The following TNKS variants were observed in gnomAD, a reference collection of about 807,000 sequenced individuals.
The protein encoded by TNKS is tankyrase.
A neutral mutation model predicts 135.8 loss-of-function variants in TNKS; 72 were observed. The ratio of observed to expected loss-of-function variants is 0.53; its 90% confidence interval spans 0.44 to 0.64. The LOEUF is 0.64. Ranked by LOEUF, TNKS falls within the 30% of genes least tolerant of loss-of-function variation. TNKS has a pLI of 0.00. For missense variants in TNKS, 1,769 were observed against 1,674.0 expected (o/e 1.06, Z -0.99); for synonymous variants, 849 against 649.3 (o/e 1.31, Z -4.68).
chr8:9,622,569 C>T (rs1027218947), intron 3 of TNKS, among the ~76,000 whole-genome samples: 1 of 152,130 alleles, frequency 6.6e-6, no homozygotes, highest in South Asian at 2.1e-4. Flanking sequence ...AATGAGTGCT[C>T]TTATATGTGC....
intron 17 of TNKS, among the ~76,000 whole-genome samples, chr8:9,740,268 T>C (rs561678002): frequency 2.6e-5 from 4 of 152,232 alleles, no homozygotes; most frequent in African/African-American, 7.2e-5. Flanking sequence ...TAATCCCTTC[T>C]TGACTGTAAA....
chr8:9,760,995 T>C (rs576329199), intron 20 of TNKS, among the ~76,000 whole-genome samples: 3 of 152,236 alleles, frequency 2.0e-5, no homozygotes, highest in South Asian at 2.1e-4. Context: ...CTCACTGCTT[T>C]TTAAGGAAGC....
chr8:9,635,849 AATC>A (rs1800489135), intron 3 of TNKS, among the ~76,000 whole-genome samples: 1 of 152,214 alleles, frequency 6.6e-6, no homozygotes, highest in African/African-American at 2.4e-5. Context: ...AATTACTCCA[AATC>A]AAAGGAAACT....
At chr8:9,642,112 A>G (rs1462559039) in intron 3 of TNKS, among the ~76,000 whole-genome samples, 1 of 145,808 alleles carries the variant, frequency 6.9e-6, no homozygotes, top group East Asian at 2.1e-4. Context: ...GAATCTGAAA[A>G]TAGCCTGGTG....
chr8:9,708,541 A>T, intron 9 of TNKS, 49 bp downstream of exon 9: 1 of 1,405,572 alleles, frequency 7.1e-7, no homozygotes, highest in Non-Finnish European at 9.4e-7. Flanking sequence ...TAATAACGTA[A>T]GCACAAAATA....
intron 3 of TNKS, among the ~76,000 whole-genome samples, chr8:9,654,622 T>G (rs35882522): frequency 1.5e-3 from 222 of 152,346 alleles, no homozygotes; most frequent in African/African-American, 5.0e-3. Flanking sequence ...AAAGTCTATG[T>G]CAGGTAAAAT....
At chr8:9,615,465 A>T in intron 2 of TNKS, 117 bp from the exon 3 acceptor site, 1 of 711,446 alleles carries the variant, frequency 1.4e-6, no homozygotes, top group Non-Finnish European at 2.1e-6. Context: ...TTTTTTCTTG[A>T]AAGAGAAAAA....
intron 3 of TNKS, among the ~76,000 whole-genome samples, chr8:9,661,668 G>A (rs1391253233): frequency 1.3e-5 from 2 of 152,176 alleles, no homozygotes; most frequent in East Asian, 1.9e-4. Flanking sequence ...CGGGACATAG[G>A]CATGGGCAAG....
At chr8:9,756,134 T>C (rs1434461057) in intron 20 of TNKS, among the ~76,000 whole-genome samples, 1 of 152,146 alleles carries the variant, frequency 6.6e-6, no homozygotes, top group African/African-American at 2.4e-5. Context: ...TTGTGGACAT[T>C]TTTATGGTTA....
At chr8:9,776,528 A>G in intron 26 of TNKS, 122 bp from the exon 27 acceptor site, 1 of 806,734 alleles carries the variant, frequency 1.2e-6, no homozygotes, top group Non-Finnish European at 2.0e-6. Flanking sequence ...GCACCTATTA[A>G]GAAACTGAGT....
chr8:9,709,829 C>T, intron 9 of TNKS, 126 bp from the exon 10 acceptor site: 2 of 696,438 alleles, frequency 2.9e-6, no homozygotes, highest in Non-Finnish European at 4.9e-6. Flanking sequence ...TGATATAAAA[C>T]ATATACATAT....
rs916863698 is a variant in TNKS at position 9,646,876 on chromosome 8, A to G, written c.994+31199A>G. Among the ~76,000 whole-genome samples, 5 of 152,274 alleles carry G rather than the reference A, an allele frequency of 3.3e-5. No individual in the cohort carries two copies. The South Asian group carries it at 1.0e-3, about 32-fold the overall frequency. On this transcript the variant is annotated intron_variant, in intron 3 of 26. Coordinates refer to ENST00000310430, the MANE Select transcript of TNKS (RefSeq NM_003747.3). ...CCTTTTGTACTCTGGCAGTTCATCA[A>G]GTATTTGAAGAGCACTATTATGCGA...
chr8:9,708,168 A>T (rs1804140609), intron 8 of TNKS, among the ~76,000 whole-genome samples: 1 of 152,146 alleles, frequency 6.6e-6, no homozygotes, highest in African/African-American at 2.4e-5. Context: ...AGAGTGTGAA[A>T]CAGTCTTATT....
intron 12 of TNKS, among the ~76,000 whole-genome samples, chr8:9,723,373 G>C (rs1804999273): frequency 6.6e-6 from 1 of 151,430 alleles, no homozygotes; most frequent in African/African-American, 2.4e-5. Flanking sequence ...AATTTGTTTT[G>C]TTCTGGATAA....
In TNKS at chr8:9,556,402, G is replaced by C. The variant is rs1040514455; in HGVS notation, c.463G>C (p.Glu155Gln). The C allele has an allele frequency of 3.7e-6, 6 of 1,614,166 alleles. No homozygotes were observed. Among genetic ancestry groups the C allele is most frequent in the Non-Finnish European group, 5.1e-6 (6 of 1,180,046 alleles). ...SPGSSLAESP[E>Q]AAGVSSTAPL... ...TGGATCGAGCTTGGCGGAGAGCCCCGAGGCGGCCGGAGTTAGCAGCACAGC... is the reference window on the plus strand; with the variant it reads ...TGGATCGAGCTTGGCGGAGAGCCCCCAGGCGGCCGGAGTTAGCAGCACAGC... The change falls in exon 1 of 27, where the codon GAG becomes CAG. Residue 155 changes from glutamate (E) to glutamine (Q), a missense_variant. Glu to Gln is a conservative substitution (Grantham distance 29). This residue lies in a region of TNKS where 450 missense variants were observed against 304.9 expected (regional missense o/e 1.48). Transcript: ENST00000310430.
At chr8:9,622,720 G>A (rs1014656042) in intron 3 of TNKS, among the ~76,000 whole-genome samples, 10 of 152,110 alleles carry the variant, frequency 6.6e-5, no homozygotes, top group African/African-American at 2.4e-4. Context: ...TTAGATTAAA[G>A]ATTATTCCTT....
intron 11 of TNKS, among the ~76,000 whole-genome samples, chr8:9,714,682 A>G (rs1169747817): frequency 6.6e-6 from 1 of 152,232 alleles, no homozygotes; most frequent in Non-Finnish European, 1.5e-5. Flanking sequence ...GAAGAGGAAG[A>G]TAAAAGCCAC....
chr8:9,618,820 C>A (rs992957454), intron 3 of TNKS, among the ~76,000 whole-genome samples: 1 of 152,120 alleles, frequency 6.6e-6, no homozygotes, highest in Non-Finnish European at 1.5e-5. Flanking sequence ...TTATTTATAA[C>A]CTTTTCTTCT....
intron 11 of TNKS, 40 bp downstream of exon 11, chr8:9,710,260 G>C: frequency 6.3e-7 from 1 of 1,591,952 alleles, no homozygotes; most frequent in Non-Finnish European, 8.6e-7. Flanking sequence ...ACTCAGCACT[G>C]AGCAGCCAGC....
Sources: gnomAD v4.1 joint callset for allele counts (sites outside exome capture counted in the v4.1 genomes callset) on GRCh38, gnomAD v4.1.1 for gene constraint, gnomAD v4.1.1 regional missense constraint, MANE v1.5 for transcripts, NCBI Gene and HGNC (gene_info 2026-07-23, HGNC 2026-07-21) for gene names.